CRACDL: variants seen among roughly 807,000 people sequenced by gnomAD.
The protein encoded by CRACDL is CRACD like.
CRACDL carries 26 observed loss-of-function variants against 70.6 expected under a neutral mutation model. The observed-to-expected ratio is 0.37, with a 90% CI of 0.27 to 0.51. The LOEUF is 0.51. Among genes scored for constraint, CRACDL ranks in the 20% least tolerant of loss-of-function variants. The pLI, the probability that CRACDL is intolerant of heterozygous loss-of-function variation, is 0.94. For missense variants in CRACDL, 1,283 were observed against 1,376.9 expected, an observed-to-expected ratio of 0.93 and a Z score of 1.08; for synonymous variants, 618 against 615.2, an observed-to-expected ratio of 1.00 and a Z score of -0.07.
At chr2:98,918,394 A>C (rs551447946) in intron 1 of CRACDL, among the ~76,000 whole-genome samples, 2 of 151,968 alleles carry the variant, frequency 1.3e-5, no homozygotes, top group Non-Finnish European at 2.9e-5. Flanking sequence ...TTAGCCAGAC[A>C]TGGTGGTACA....
intron 3 of CRACDL, among the ~76,000 whole-genome samples, chr2:98,833,752 A>G (rs532159264): frequency 1.3e-5 from 2 of 152,332 alleles, no homozygotes; most frequent in East Asian, 3.9e-4. Flanking sequence ...GGCTGCCTGA[A>G]CAATAGGTGG....
In CRACDL at chr2:98,881,439, C is replaced by T. The variant is rs575809243; in HGVS notation, c.-10-34629G>A. On this transcript the variant is annotated intron_variant, in intron 1 of 9. Transcript: ENST00000397899. ...TTACAGCTCTTGTTCTCAACCCCAG[C>T]TGCACATCAGAATTGCCTGGGAGCT... 3.3e-5 allele frequency among the ~76,000 whole-genome samples: 5 copies of T among 152,348 alleles called. No homozygotes were observed. The South Asian group carries it at 1.0e-3, about 32-fold the overall frequency.
rs533279887 is a variant in CRACDL, at chr2:98,850,987, C to T, written c.-10-4177G>A. ...GGTTTCAATCCATTATATTTACCTA[C>T]ACAATGCAAAGAAAAATATCTGTAC... On this transcript the variant is annotated intron_variant, in intron 1 of 9. Transcript: ENST00000397899. Among the ~76,000 whole-genome samples, 4 of 152,280 alleles carry T rather than the reference C, an allele frequency of 2.6e-5. 1 individual carries two copies. In the East Asian group the frequency reaches 5.8e-4, roughly 22 times the overall value.
At chr2:98,878,315 C>A (rs1558618929) in intron 1 of CRACDL, among the ~76,000 whole-genome samples, 1 of 152,124 alleles carries the variant, frequency 6.6e-6, no homozygotes, top group Admixed American at 6.5e-5. Context: ...AGATACTGTC[C>A]CTTTTTACTA....
At chr2:98,835,243 C>T (rs1705721873) in intron 3 of CRACDL, among the ~76,000 whole-genome samples, 1 of 152,142 alleles carries the variant, frequency 6.6e-6, no homozygotes, top group Non-Finnish European at 1.5e-5. Context: ...AAACCATTTC[C>T]TAGCTATATC....
At position 98,823,101 on chromosome 2, in the gene CRACDL, A is replaced by C; in HGVS notation, c.1172T>G (p.Val391Gly). The C allele has an allele frequency of 6.4e-7, 1 of 1,574,000 alleles. No homozygotes were observed. The highest frequency in any genetic ancestry group is 8.6e-7 in the Non-Finnish European group (1 of 1,163,916). ...CAPATDKAEE[V>G]VCAPEDVASP... ...CGCGACGTCTTCGGGAGCACAGACCACCTCCTCCGCCTTGTCCGTGGCCGG... is the reference window on the plus strand; with the variant it reads ...CGCGACGTCTTCGGGAGCACAGACCCCCTCCTCCGCCTTGTCCGTGGCCGG... The change falls in exon 7 of 10, where the codon GTG becomes GGG. Residue 391 changes from valine (V) to glycine (G), a missense_variant. Val to Gly is a moderately radical substitution (Grantham distance 109). This residue lies in a region of CRACDL where 921 missense variants were observed against 881.9 expected (regional missense o/e 1.04). Transcript: ENST00000397899. This position sits in a 1 kb window ranked among gnomAD's most constrained non-coding sequence, Gnocchi z 4.0.
At chr2:98,903,767 A>AT (rs1230613991) in intron 1 of CRACDL, among the ~76,000 whole-genome samples, 2 of 152,240 alleles carry the variant, frequency 1.3e-5, no homozygotes, top group African/African-American at 4.8e-5. Flanking sequence ...CTCAGTAGTC[A>AT]TTTTTAAGTC....
chr2:98,859,988 T>C (rs1706874203), intron 1 of CRACDL, among the ~76,000 whole-genome samples: 1 of 152,172 alleles, frequency 6.6e-6, no homozygotes, highest in Admixed American at 6.5e-5. Flanking sequence ...ATAAAACCAA[T>C]TGTATTTCTA....
chr2:98,869,180 A>T (rs1162400142), intron 1 of CRACDL: 4 of 1,304,256 alleles, frequency 3.1e-6, no homozygotes, highest in Middle Eastern at 2.1e-4. Flanking sequence ...CAGGGAGAAG[A>T]GTGGGCCTCC....
At position 98,838,192 on chromosome 2, in the gene CRACDL, G is replaced by C; in HGVS notation, c.166C>G (p.Gln56Glu). 6.2e-7 allele frequency: 1 copy of C among 1,613,856 alleles called. No individual in the cohort carries two copies. ...ATGACCTCATTCCTCGTCTGACTTTGTTTCCAGGTGCTACTTCCTGTGGAC... is the reference window on the plus strand; with the variant it reads ...ATGACCTCATTCCTCGTCTGACTTTCTTTCCAGGTGCTACTTCCTGTGGAC... ...PSSTGSSTWK[Q>E]SQTRNEVIAI... The change falls in exon 3 of 10, where the codon CAA becomes GAA. Residue 56 changes from glutamine to glutamate, a missense_variant. Around this residue, in one of 2 missense-constraint regions of CRACDL, gnomAD observed 362 missense variants for 495.0 expected, o/e 0.73. Coordinates refer to ENST00000397899, the MANE Select transcript of CRACDL (RefSeq NM_207362.3).
intron 1 of CRACDL, among the ~76,000 whole-genome samples, chr2:98,903,506 A>C (rs1212905267): frequency 6.6e-6 from 1 of 152,224 alleles, no homozygotes; most frequent in East Asian, 1.9e-4. Flanking sequence ...TCAGTGAGGC[A>C]TAAGAGCGGA....
intron 1 of CRACDL, among the ~76,000 whole-genome samples, chr2:98,856,194 T>C (rs1706690759): frequency 6.6e-6 from 1 of 152,118 alleles, no homozygotes; most frequent in Non-Finnish European, 1.5e-5. Context: ...AAGCTAAAGA[T>C]AAGGAGAAAA....
At chr2:98,875,239 C>T (rs1031252032) in intron 1 of CRACDL, among the ~76,000 whole-genome samples, 1 of 152,234 alleles carries the variant, frequency 6.6e-6, no homozygotes. Flanking sequence ...GGGCCCTTCA[C>T]TCAGCACATG....
chr2:98,891,454 T>C (rs1189732914), intron 1 of CRACDL, among the ~76,000 whole-genome samples: 1 of 149,900 alleles, frequency 6.7e-6, no homozygotes, highest in African/African-American at 2.5e-5. Context: ...TTTGGGATGG[T>C]CAACCTGTAA....
chr2:98,876,344 C>T (rs1707487994), intron 1 of CRACDL, among the ~76,000 whole-genome samples: 1 of 152,092 alleles, frequency 6.6e-6, no homozygotes. Flanking sequence ...GAGTGGGGGT[C>T]CCCAACCCCT....
intron 1 of CRACDL, among the ~76,000 whole-genome samples, chr2:98,913,587 G>T (rs1280808267): frequency 6.6e-6 from 1 of 152,106 alleles, no homozygotes; most frequent in Non-Finnish European, 1.5e-5. Context: ...TGCAGGCAGA[G>T]GGCCAAGCCG....
intron 1 of CRACDL, among the ~76,000 whole-genome samples, chr2:98,867,136 A>C (rs555643954): frequency 6.6e-6 from 1 of 152,222 alleles, no homozygotes; most frequent in Non-Finnish European, 1.5e-5. Flanking sequence ...TCTTTGCAAG[A>C]AAATACCATA....
chr2:98,923,898 A>G (rs889452982), intron 1 of CRACDL, among the ~76,000 whole-genome samples: 21 of 152,342 alleles, frequency 1.4e-4, no homozygotes, highest in South Asian at 1.2e-3. Context: ...AGCAAACACC[A>G]TGGCAGGCCA....
chr2:98,888,920 G>C (rs1406778311), intron 1 of CRACDL, among the ~76,000 whole-genome samples: 3 of 152,134 alleles, frequency 2.0e-5, no homozygotes, highest in Non-Finnish European at 4.4e-5. Context: ...ATGAGGTCAG[G>C]AGATTGAGAC....
Sources: allele counts gnomAD v4.1 joint callset (sites outside exome capture counted in the v4.1 genomes callset), GRCh38; gene constraint gnomAD v4.1.1; regional missense constraint gnomAD v4.1.1; non-coding constraint Gnocchi (gnomAD v3.1); transcripts MANE v1.5; gene names NCBI Gene and HGNC (gene_info 2026-07-23, HGNC 2026-07-21).